The following CDC5L variants were observed in gnomAD, a reference collection of about 807,000 sequenced individuals.
CDC5L encodes the protein cell division cycle 5 like, also known as cell division cycle 5-like protein.
CDC5L carries 18 observed loss-of-function variants against 104.1 expected under a neutral mutation model. The observed-to-expected ratio is 0.17, with a 90% CI of 0.12 to 0.26. The LOEUF (loss-of-function observed/expected upper bound fraction) is 0.26, where lower values mean the gene tolerates loss of function less well. Ranked by LOEUF, CDC5L falls within the 10% of genes least tolerant of loss-of-function variation. CDC5L has a pLI of 1.00. For synonymous variants in CDC5L, 331 were observed against 322.7 expected, an observed-to-expected ratio of 1.03 and a Z score of -0.28; for missense variants, 673 against 956.9, an observed-to-expected ratio of 0.70 and a Z score of 3.91.
chr6:44,442,953 A>G (rs2153384277), intron 14 of CDC5L, among the ~76,000 whole-genome samples: 1 of 152,202 alleles, frequency 6.6e-6, no homozygotes, highest in South Asian at 2.1e-4. Flanking sequence ...AAAAGTCTTT[A>G]TCATCCATTT....
intron 3 of CDC5L, 126 bp downstream of exon 3, chr6:44,392,954 A>G: frequency 2.9e-6 from 2 of 691,780 alleles, no homozygotes; most frequent in South Asian, 5.2e-5. Flanking sequence ...AGCTAAAGCC[A>G]TTGGATAATA....
chr6:44,405,750 A>G (rs11571950), intron 6 of CDC5L, among the ~76,000 whole-genome samples: 34 of 152,274 alleles, frequency 2.2e-4, no homozygotes, highest in African/African-American at 6.5e-4. Context: ...GTTTATCACA[A>G]TCTTCATACT....
At position 44,406,527 on chromosome 6, in the gene CDC5L, A is replaced by G. The variant is rs565686116; in HGVS notation, c.903+60A>G. On this transcript the variant is annotated intron_variant, in intron 7 of 15. Coordinates refer to ENST00000371477, the MANE Select transcript of CDC5L (RefSeq NM_001253.4). ...ATTTATATGCTTATATCATTTATTC[A>G]GCAAATGTTTGAAGGCCTGTGTACC... is the stretch of plus-strand genomic sequence containing the variant. The G allele has an allele frequency of 1.3e-5, 19 of 1,470,214 alleles. No homozygotes were observed. The African/African-American group carries it at 2.5e-4, about 20-fold the overall frequency. The allele number at this position is 1,470,214 out of a possible 1,614,324, so 91.1% of individuals were successfully genotyped here.
At chr6:44,419,417 T>G in intron 8 of CDC5L, 32 bp from the exon 9 acceptor site, 2 of 1,610,746 alleles carry the variant, frequency 1.2e-6, no homozygotes, top group Non-Finnish European at 1.7e-6. Context: ...TCTAAACTTT[T>G]AAACTTGCTT....
At chr6:44,409,174 C>T (rs1426129514) in intron 8 of CDC5L, among the ~76,000 whole-genome samples, 1 of 152,178 alleles carries the variant, frequency 6.6e-6, no homozygotes, top group Non-Finnish European at 1.5e-5. Context: ...CTTTGATTCG[C>T]GGCAAACAGT....
intron 1 of CDC5L, among the ~76,000 whole-genome samples, chr6:44,389,314 C>T (rs1790490924): frequency 6.6e-6 from 1 of 152,026 alleles, no homozygotes; most frequent in Non-Finnish European, 1.5e-5. Flanking sequence ...GATATAAAAT[C>T]AAGTAACAGT....
intron 13 of CDC5L, among the ~76,000 whole-genome samples, chr6:44,428,607 C>T (rs578212140): frequency 6.6e-6 from 1 of 152,180 alleles, no homozygotes; most frequent in South Asian, 2.1e-4. Flanking sequence ...GCTTTCCAGG[C>T]TGAAAAAGCC....
intron 14 of CDC5L, among the ~76,000 whole-genome samples, chr6:44,430,713 C>T (rs1195368822): frequency 1.3e-5 from 2 of 151,842 alleles, no homozygotes; most frequent in South Asian, 2.1e-4. Flanking sequence ...GCTGGGACTA[C>T]AGGCACGCCC....
chr6:44,397,185 T>TCAGTC (rs1790909677), intron 5 of CDC5L, among the ~76,000 whole-genome samples: 1 of 152,214 alleles, frequency 6.6e-6, no homozygotes, highest in African/African-American at 2.4e-5. Flanking sequence ...CTGCCAGCTA[T>TCAGTC]CAGTCAACTC....
chr6:44,426,144 G>A lies in CDC5L; in HGVS notation c.1611G>A (p.Met537Ile), dbSNP rs770678225. 11 of 1,609,350 alleles carry A rather than the reference G, an allele frequency of 6.8e-6. No homozygotes were observed. The South Asian group carries it at 1.2e-4, about 18-fold the overall frequency. The change falls in exon 12 of 16, where the codon ATG becomes ATA. Residue 537 changes from methionine (M) to isoleucine (I), a missense_variant. Transcript: ENST00000371477. ...DAERVKEMKRMHKAVQKDLPR... is the reference protein window; with the variant it reads ...DAERVKEMKRIHKAVQKDLPR... ...AGCGTGTAAAGGAAATGAAACGAAT[G>A]CATAAAGCTGTCCAGAAAGATCTGC...
intron 1 of CDC5L, among the ~76,000 whole-genome samples, chr6:44,389,065 C>T (rs1790482249): frequency 6.6e-6 from 1 of 152,140 alleles, no homozygotes; most frequent in Non-Finnish European, 1.5e-5. Context: ...GCGAGAGGAC[C>T]AGGTCTTGGT....
At chr6:44,430,937 A>AT (rs2153382488) in intron 14 of CDC5L, among the ~76,000 whole-genome samples, 1 of 152,270 alleles carries the variant, frequency 6.6e-6, no homozygotes, top group African/African-American at 2.4e-5. Flanking sequence ...ATGGGAGAGA[A>AT]GGGGTACTTC....
At chr6:44,416,394 C>CTGCCTGTAA (rs985281362) in intron 8 of CDC5L, among the ~76,000 whole-genome samples, 1 of 152,042 alleles carries the variant, frequency 6.6e-6, no homozygotes, top group African/African-American at 2.4e-5. Context: ...GTCTGGTCAC[C>CTGCCTGTAA]AGGGCTGCCT....
chr6:44,442,180 C>G (rs923645076), intron 14 of CDC5L, among the ~76,000 whole-genome samples: 2 of 152,076 alleles, frequency 1.3e-5, no homozygotes, highest in African/African-American at 4.8e-5. Context: ...CATGATAGAC[C>G]CACCTCAGCC....
chr6:44,390,548 G>A (rs542861350), intron 2 of CDC5L, among the ~76,000 whole-genome samples, 177 bp downstream of exon 2: 1 of 152,174 alleles, frequency 6.6e-6, no homozygotes, highest in Non-Finnish European at 1.5e-5. Context: ...GTGGTCTTAG[G>A]CAAGCCATTT....
In CDC5L at chr6:44,447,960, T is replaced by G. The variant is rs142870354; in HGVS notation, c.*1249T>G. 9 of 152,214 alleles carry G rather than the reference T, an allele frequency of 5.9e-5. No individual in the cohort carries two copies. Among genetic ancestry groups the G allele is most frequent in the African/African-American group, 2.2e-4 (9 of 41,520 alleles). 9.4% of individuals were successfully genotyped at this position (152,214 alleles called of 1,614,324 possible). A position where few individuals can be genotyped will look rare whatever the true frequency, so the allele number is the denominator to read the frequency against. ...GTGGAGGAAATTAAAGTAGGGTGAT[T>G]ATGAGATAGTGAATGAGTGGCTATT... On this transcript the variant is annotated 3_prime_UTR_variant, in exon 16 of 16. Transcript: ENST00000371477.
chr6:44,399,018 T>C (rs1790996889), intron 5 of CDC5L, among the ~76,000 whole-genome samples: 1 of 152,274 alleles, frequency 6.6e-6, no homozygotes, highest in Non-Finnish European at 1.5e-5. Flanking sequence ...TAGGCTTTAG[T>C]GCAGAGTTCA....
intron 8 of CDC5L, among the ~76,000 whole-genome samples, chr6:44,416,744 C>T (rs1791925297): frequency 6.6e-6 from 1 of 152,208 alleles, no homozygotes; most frequent in Non-Finnish European, 1.5e-5. Flanking sequence ...ACTCCTTTAG[C>T]CACACCATTT....
At chr6:44,391,482 T>G (rs912430865) in intron 2 of CDC5L, among the ~76,000 whole-genome samples, 1 of 152,004 alleles carries the variant, frequency 6.6e-6, no homozygotes, top group Non-Finnish European at 1.5e-5. Context: ...TCTCCTGACC[T>G]CGTGATCCAT....
Sources: allele counts gnomAD v4.1 joint callset (sites outside exome capture counted in the v4.1 genomes callset), GRCh38; gene constraint gnomAD v4.1.1; transcripts MANE v1.5; gene names NCBI Gene and HGNC (gene_info 2026-07-23, HGNC 2026-07-21).